TRIM44: variants seen among roughly 807,000 people sequenced by gnomAD.
TRIM44 encodes the protein tripartite motif-containing protein 44.
TRIM44 carries 13 observed loss-of-function variants against 37.4 expected under a neutral mutation model. The observed-to-expected ratio is 0.35, with a 90% CI of 0.23 to 0.55. The LOEUF is 0.55. TRIM44 is among the 20% of genes least tolerant of loss of function. TRIM44 has a pLI of 0.89. For synonymous variants in TRIM44, 175 were observed against 157.2 expected, an observed-to-expected ratio of 1.11 and a Z score of -0.85; for missense variants, 426 against 437.2, an observed-to-expected ratio of 0.97 and a Z score of 0.23.
intron 2 of TRIM44, among the ~76,000 whole-genome samples, chr11:35,697,642 C>T (rs915160992): frequency 7.9e-5 from 12 of 151,788 alleles, no homozygotes; most frequent in African/African-American, 2.9e-4. Context: ...TGTGATGTTC[C>T]CCTTCCTGTG....
At position 35,811,339 on chromosome 11, in the gene TRIM44, A is replaced by C. The variant is rs895789789; in HGVS notation, c.*4954A>C. 2.6e-5 allele frequency: 4 copies of C among 152,216 alleles called. No homozygotes were observed. Among genetic ancestry groups the C allele is most frequent in the African/African-American group, 9.6e-5 (4 of 41,468 alleles). The allele number at this position is 152,216 out of a possible 1,614,324, so 9.4% of individuals were successfully genotyped here. A position where few individuals can be genotyped will look rare whatever the true frequency, so the allele number is the denominator to read the frequency against. Reference sequence around the variant, plus strand: ...CAACTTAGATTATAACCTAAAGAATACTTGGTGCCAAATTATGTTTTCAAA... The same window carrying C: ...CAACTTAGATTATAACCTAAAGAATCCTTGGTGCCAAATTATGTTTTCAAA... On this transcript the variant is annotated 3_prime_UTR_variant, in exon 5 of 5. Transcript: ENST00000299413.
intron 4 of TRIM44, among the ~76,000 whole-genome samples, chr11:35,751,316 AC>A (rs1274007915): frequency 6.6e-6 from 1 of 152,224 alleles, no homozygotes; most frequent in Non-Finnish European, 1.5e-5. Flanking sequence ...CATTTTACAA[AC>A]CCTTAAGTAC....
In TRIM44 at chr11:35,785,165, C is replaced by T. The variant is rs1391532223; in HGVS notation, c.1008-21193C>T. 2.6e-5 allele frequency among the ~76,000 whole-genome samples: 4 copies of T among 152,344 alleles called. No individual in the cohort carries two copies. The East Asian group carries it at 7.7e-4, about 29-fold the overall frequency. On this transcript the variant is annotated intron_variant, in intron 4 of 4. Transcript: ENST00000299413. ...AATTAAAACACAAATGAATTTAGCT[C>T]TGAATTGAATCTGACTTCCATATTC...
chr11:35,690,974 G>T (rs1214327155), intron 2 of TRIM44, among the ~76,000 whole-genome samples: 1 of 152,104 alleles, frequency 6.6e-6, no homozygotes, highest in African/African-American at 2.4e-5. Flanking sequence ...GGCATCCCTA[G>T]CAATGTGACC....
chr11:35,765,756 CATTT>C (rs140129887), intron 4 of TRIM44, among the ~76,000 whole-genome samples: 5,009 of 152,248 alleles, frequency 0.033, 410 homozygotes, highest in Admixed American at 0.19. Flanking sequence ...CTCATTCATT[CATTT>C]GTTTATTCAT....
At position 35,662,993 on chromosome 11, in the gene TRIM44, T is replaced by G. The variant is rs1420650008; in HGVS notation, c.-119T>G. The G allele has an allele frequency of 2.1e-6, 3 of 1,399,250 alleles. No individual in the cohort carries two copies. The highest frequency in any genetic ancestry group is 1.5e-5 in the African/African-American group (1 of 68,090). 86.7% of individuals were successfully genotyped at this position (1,399,250 alleles called of 1,614,324 possible). Reference sequence around the variant, plus strand: ...GGTCCCGCTTCGAGACGCGGCGCGGTCCAGGCGGGAGGCGACTCCCTAGGA... The same window carrying G: ...GGTCCCGCTTCGAGACGCGGCGCGGGCCAGGCGGGAGGCGACTCCCTAGGA... On this transcript the variant is annotated 5_prime_UTR_variant, in exon 1 of 5. Coordinates refer to ENST00000299413, the MANE Select transcript of TRIM44 (RefSeq NM_017583.6).
At position 35,771,478 on chromosome 11, in the gene TRIM44, C is replaced by A. The variant is rs147655053; in HGVS notation, c.1008-34880C>A. On this transcript the variant is annotated intron_variant, in intron 4 of 4. Coordinates refer to ENST00000299413, the MANE Select transcript of TRIM44 (RefSeq NM_017583.6). ...CGGTGGCTCATGCCTGTAATCCCGG[C>A]ACTTTGGGAGGCCAAGGTGGGCGGA... 3.7e-3 allele frequency among the ~76,000 whole-genome samples: 569 copies of A among 152,248 alleles called. 2 individuals carry two copies. The highest frequency in any genetic ancestry group is 6.2e-3 in the Non-Finnish European group (420 of 68,026).
chr11:35,682,514 A>G (rs1851531297), intron 1 of TRIM44, among the ~76,000 whole-genome samples: 1 of 152,096 alleles, frequency 6.6e-6, no homozygotes, highest in South Asian at 2.1e-4. Context: ...TGCTTATTTT[A>G]TAGATTTTTA....
chr11:35,699,016 T>C (rs555941729), intron 2 of TRIM44, among the ~76,000 whole-genome samples: 1 of 146,982 alleles, frequency 6.8e-6, no homozygotes, highest in Non-Finnish European at 1.5e-5. Context: ...TAGCCAGTTT[T>C]CCCAGCACCA....
chr11:35,783,001 CATT>C (rs1365605158), intron 4 of TRIM44, among the ~76,000 whole-genome samples: 29 of 152,168 alleles, frequency 1.9e-4, no homozygotes, highest in Non-Finnish European at 3.5e-4. Context: ...CAAAGCTGAA[CATT>C]TATTCACTGA....
At chr11:35,691,345 C>T (rs2099898525) in intron 2 of TRIM44, among the ~76,000 whole-genome samples, 1 of 152,190 alleles carries the variant, frequency 6.6e-6, no homozygotes, top group African/African-American at 2.4e-5. Flanking sequence ...CTTCACCATT[C>T]CCCTGGCTTT....
intron 4 of TRIM44, among the ~76,000 whole-genome samples, chr11:35,767,237 G>A (rs750237448): frequency 6.6e-6 from 1 of 152,120 alleles, no homozygotes; most frequent in Non-Finnish European, 1.5e-5. Context: ...GTATTAAATG[G>A]GCTGTTATCG....
At chr11:35,663,811 A>AG in intron 1 of TRIM44, 31 bp downstream of exon 1, 3 of 1,588,886 alleles carry the variant, frequency 1.9e-6, no homozygotes, top group Non-Finnish European at 2.6e-6. Context: ...GCATAAACCT[A>AG]GGGGTCAGGA....
intron 4 of TRIM44, among the ~76,000 whole-genome samples, chr11:35,800,362 A>G (rs1853349876): frequency 6.6e-6 from 1 of 152,222 alleles, no homozygotes; most frequent in African/African-American, 2.4e-5. Context: ...CTGCTGGCTC[A>G]GGTGGCCAGC....
intron 4 of TRIM44, among the ~76,000 whole-genome samples, chr11:35,738,878 A>G (rs1590556759): frequency 6.6e-6 from 1 of 152,146 alleles, no homozygotes; most frequent in Non-Finnish European, 1.5e-5. Context: ...TTCTTTTCAC[A>G]CAGCCACTTC....
intron 2 of TRIM44, among the ~76,000 whole-genome samples, chr11:35,718,367 T>C (rs529538334): frequency 2.0e-4 from 31 of 152,318 alleles, no homozygotes; most frequent in African/African-American, 7.2e-4. Context: ...TAAAAGTAAT[T>C]GCAGTTTTTG....
rs1437837922 is a variant in TRIM44, at chr11:35,663,132, G to A, written c.21G>A (p.Ala7=). ...CCCACATGGCCTCTGGAGTGGGCGC[G>A]GCCTTCGAGGAACTGCCTCACGACG... is the stretch of plus-strand genomic sequence containing the variant. The part of the protein sequence containing the change: MASGVG[A]AFEELPHDGT... The change falls in exon 1 of 5, where the codon GCG becomes GCA. Residue 7 remains alanine, a synonymous_variant. Coordinates refer to ENST00000299413, the MANE Select transcript of TRIM44 (RefSeq NM_017583.6). The A allele has an allele frequency of 5.2e-6, 8 of 1,529,944 alleles. No individual in the cohort carries two copies. Among genetic ancestry groups the A allele is most frequent in the Non-Finnish European group, 7.0e-6 (8 of 1,141,846 alleles). The allele number at this position is 1,529,944 out of a possible 1,614,324, so 94.8% of individuals were successfully genotyped here.
intron 2 of TRIM44, among the ~76,000 whole-genome samples, chr11:35,707,602 A>C (rs1037875059): frequency 2.0e-5 from 3 of 147,986 alleles, no homozygotes; most frequent in African/African-American, 7.3e-5. Context: ...CCTCAGAAAT[A>C]ACGCCGCATA....
Position 35,696,575 on chromosome 11 carries a change from G to A in TRIM44, c.747+11239G>A, listed in dbSNP as rs550704598. Reference sequence around the variant, plus strand: ...ATTTAAAGGCAAACAAAGGCCAAGCGCAGTGGCTCATGCCTCTAATCCCAG... The same window carrying A: ...ATTTAAAGGCAAACAAAGGCCAAGCACAGTGGCTCATGCCTCTAATCCCAG... On this transcript the variant is annotated intron_variant, in intron 2 of 4. Transcript: ENST00000299413. Among the ~76,000 whole-genome samples the A allele has an allele frequency of 1.9e-3, 281 of 151,718 alleles. 2 individuals carry two copies. Among genetic ancestry groups the A allele is most frequent in the African/African-American group, 6.5e-3 (269 of 41,422 alleles).
Sources: gnomAD v4.1 joint callset for allele counts (sites outside exome capture counted in the v4.1 genomes callset) on GRCh38, gnomAD v4.1.1 for gene constraint, MANE v1.5 for transcripts, NCBI Gene and HGNC (gene_info 2026-07-23, HGNC 2026-07-21) for gene names.